PRKN: variants seen among roughly 807,000 people sequenced by gnomAD.
The protein encoded by PRKN is E3 ubiquitin-protein ligase parkin.
Under a neutral mutation model 59.5 loss-of-function variants are expected in PRKN, and 56 were observed. The ratio of observed to expected loss-of-function variants is 0.94; its 90% confidence interval spans 0.76 to 1.18. The LOEUF (loss-of-function observed/expected upper bound fraction) is 1.18, where lower values mean the gene tolerates loss of function less well. Among genes scored for constraint, PRKN ranks in the 50% most tolerant of loss-of-function variants. The pLI, the probability that PRKN is intolerant of heterozygous loss-of-function variation, is 0.00. For missense variants in PRKN, 657 were observed against 596.4 expected (o/e 1.10, Z -1.06); for synonymous variants, 250 against 222.1 (o/e 1.13, Z -1.12).
At chr6:162,443,174 G>C in intron 2 of PRKN, 136 bp downstream of exon 2, 1 of 822,064 alleles carries the variant, frequency 1.2e-6, no homozygotes, top group South Asian at 1.6e-5. Flanking sequence ...ATGAAGCAGT[G>C]TGGAGTAAAG....
Position 162,379,634 on chromosome 6 carries a change from G to A in PRKN, c.171+63676C>T, listed in dbSNP as rs115132825. ...CTCAATGCCTTTCCCGCATGGACCCGCCTCTGGCTGGTGAAGCCAAAGGTC... is the reference window on the plus strand; with the variant it reads ...CTCAATGCCTTTCCCGCATGGACCCACCTCTGGCTGGTGAAGCCAAAGGTC... On this transcript the variant is annotated intron_variant, in intron 2 of 11. Coordinates refer to ENST00000366898, the MANE Select transcript of PRKN (RefSeq NM_004562.3). Among the ~76,000 whole-genome samples, 456 of 152,180 alleles carry A rather than the reference G, an allele frequency of 3.0e-3. 7 individuals carry two copies. Among genetic ancestry groups the A allele is most frequent in the South Asian group, 0.012 (57 of 4,820 alleles).
chr6:161,746,110 C>G (rs1788402462), intron 7 of PRKN, among the ~76,000 whole-genome samples: 1 of 152,194 alleles, frequency 6.6e-6, no homozygotes, highest in Non-Finnish European at 1.5e-5. Context: ...ATGAATTAGG[C>G]AAAATTATCC....
chr6:162,515,505 T>C (rs1368454341), intron 1 of PRKN, among the ~76,000 whole-genome samples: 2 of 152,200 alleles, frequency 1.3e-5, no homozygotes, highest in African/African-American at 2.4e-5. Flanking sequence ...ATAAAGTTGA[T>C]AATCAAGAAA....
intron 5 of PRKN, among the ~76,000 whole-genome samples, chr6:161,998,484 C>T (rs540843826): frequency 6.6e-6 from 1 of 152,142 alleles, no homozygotes; most frequent in Non-Finnish European, 1.5e-5. Flanking sequence ...GTCCAATTTC[C>T]ATCTTTATCT....
chr6:162,184,281 A>G (rs1783927177), intron 4 of PRKN, among the ~76,000 whole-genome samples: 1 of 152,216 alleles, frequency 6.6e-6, no homozygotes, highest in African/African-American at 2.4e-5. Context: ...CTAGTGAAGT[A>G]AAAAACATCC....
chr6:161,890,836 G>C lies in PRKN; in HGVS notation c.734+82466C>G, dbSNP rs147273496. 1.6e-3 allele frequency among the ~76,000 whole-genome samples: 248 copies of C among 152,276 alleles called. 2 individuals carry two copies. The highest frequency in any genetic ancestry group is 5.5e-3 in the African/African-American group (230 of 41,542). On this transcript the variant is annotated intron_variant, in intron 6 of 11. Transcript: ENST00000366898. ...ATAGTGTTATTTCACAGCAAACTCT[G>C]TTCCATTTCCCGCGCTCTGCCTCCG...
chr6:161,966,985 C>T (rs182534415), intron 6 of PRKN, among the ~76,000 whole-genome samples: 110 of 152,280 alleles, frequency 7.2e-4, no homozygotes, highest in African/African-American at 2.3e-3. Context: ...GTGCACACCA[C>T]CACTCCCAGC....
chr6:161,505,456 A>T, intron 9 of PRKN, among the ~76,000 whole-genome samples: 1 of 151,390 alleles, frequency 6.6e-6, no homozygotes, highest in Admixed American at 6.6e-5. Context: ...TTGCAAAAAT[A>T]TTCTCCCATT....
At chr6:162,702,043 G>A (rs758906803) in intron 1 of PRKN, among the ~76,000 whole-genome samples, 30 of 152,020 alleles carry the variant, frequency 2.0e-4, no homozygotes, top group Non-Finnish European at 3.1e-4. Flanking sequence ...TGTTTTTGTA[G>A]AACTAAACAT....
Position 161,785,805 on chromosome 6 carries a change from C to T in PRKN, c.838G>A (p.Asp280Asn), listed in dbSNP as rs72480422. Reference sequence around the variant, plus strand: ...GGCAGGGAGTAGCCAAGTTGAGGGTCGTGAACAAACTGCCGATCATTGAGT... The same window carrying T: ...GGCAGGGAGTAGCCAAGTTGAGGGTTGTGAACAAACTGCCGATCATTGAGT... ...TRLNDRQFVH[D>N]PQLGYSLPCV... is the part of the protein sequence containing the mutation. Residue 280 changes from aspartate (D) to asparagine (N), a missense_variant, in exon 7 of 12, where the codon GAC (aspartate) becomes AAC (asparagine). Physicochemically the swap from Asp to Asn is conservative, Grantham distance 23. Transcript: ENST00000366898. 252 of 1,613,910 alleles carry T rather than the reference C, an allele frequency of 1.6e-4. 1 individual carries two copies. Among genetic ancestry groups the T allele is most frequent in the South Asian group, 1.4e-3 (123 of 91,038 alleles).
At chr6:161,570,122 GGT>G (rs1780815200) in intron 7 of PRKN, among the ~76,000 whole-genome samples, 1 of 29,748 alleles carries the variant, frequency 3.4e-5, no homozygotes, top group Non-Finnish European at 6.1e-5. Flanking sequence ...TAAGTAAATA[GGT>G]AAAAAAAAAA....
chr6:162,134,982 CAT>C (rs896945183), intron 4 of PRKN, among the ~76,000 whole-genome samples: 1 of 152,166 alleles, frequency 6.6e-6, no homozygotes, highest in Non-Finnish European at 1.5e-5. Context: ...AAGAAATATA[CAT>C]GTTATAACAA....
chr6:162,445,131 T>C (rs1790249024), intron 1 of PRKN, among the ~76,000 whole-genome samples: 1 of 152,160 alleles, frequency 6.6e-6, no homozygotes, highest in African/African-American at 2.4e-5. Flanking sequence ...ATAATAATCA[T>C]TACAATGCCA....
At chr6:161,808,819 T>C (rs1791442311) in intron 6 of PRKN, among the ~76,000 whole-genome samples, 1 of 152,100 alleles carries the variant, frequency 6.6e-6, no homozygotes, top group African/African-American at 2.4e-5. Context: ...ATAAAAGTCA[T>C]ATTCTGGTAT....
intron 6 of PRKN, among the ~76,000 whole-genome samples, chr6:161,897,312 C>T (rs1348596386): frequency 6.6e-6 from 1 of 152,194 alleles, no homozygotes; most frequent in Non-Finnish European, 1.5e-5. Context: ...TTTCATGCTT[C>T]TTCTCTCCTA....
At chr6:162,566,128 T>A (rs1780067217) in intron 1 of PRKN, among the ~76,000 whole-genome samples, 1 of 152,000 alleles carries the variant, frequency 6.6e-6, no homozygotes, top group South Asian at 2.1e-4. Context: ...TAAGCCTCAA[T>A]ACAATAATAA....
intron 7 of PRKN, among the ~76,000 whole-genome samples, chr6:161,617,823 G>T (rs1782752272): frequency 6.6e-6 from 1 of 152,252 alleles, no homozygotes; most frequent in African/African-American, 2.4e-5. Flanking sequence ...GGAAGCCAGT[G>T]CCAGAACTGC....
chr6:161,463,328 G>A lies in PRKN; in HGVS notation c.1084-76451C>T, dbSNP rs1171454087. Among the ~76,000 whole-genome samples, 2 of 152,136 alleles carry A rather than the reference G, an allele frequency of 1.3e-5. No homozygotes were observed. Among genetic ancestry groups the A allele is most frequent in the Non-Finnish European group, 2.9e-5 (2 of 68,022 alleles). On this transcript the variant is annotated intron_variant, in intron 9 of 11. Transcript: ENST00000366898. This position sits in a 1 kb window ranked among gnomAD's most constrained non-coding sequence, Gnocchi z 4.8. ...CAGCTTTCAGAATGACGACTGTTTGGTTCTACCTGGCTTATCCTTACTGAT... is the reference window on the plus strand; with the variant it reads ...CAGCTTTCAGAATGACGACTGTTTGATTCTACCTGGCTTATCCTTACTGAT...
intron 1 of PRKN, among the ~76,000 whole-genome samples, chr6:162,450,457 A>G (rs897232689): frequency 4.8e-5 from 7 of 145,534 alleles, no homozygotes; most frequent in African/African-American, 1.9e-4. Context: ...CAGCATGGAA[A>G]GGGGAACAAA....
Sources: gnomAD v4.1 joint callset for allele counts (sites outside exome capture counted in the v4.1 genomes callset) on GRCh38, gnomAD v4.1.1 for gene constraint, Gnocchi (gnomAD v3.1) non-coding constraint, MANE v1.5 for transcripts, NCBI Gene and HGNC (gene_info 2026-07-23, HGNC 2026-07-21) for gene names.